The following NLGN1 variants were observed in gnomAD, a reference collection of about 807,000 sequenced individuals.
NLGN1 encodes the protein neuroligin-1.
NLGN1 carries 12 observed loss-of-function variants against 65.5 expected under a neutral mutation model. The observed-to-expected ratio is 0.18, with a 90% CI of 0.12 to 0.30. The LOEUF (loss-of-function observed/expected upper bound fraction) is 0.30, where lower values mean the gene tolerates loss of function less well. Ranked by LOEUF, NLGN1 falls within the 10% of genes least tolerant of loss-of-function variation. The probability of loss-of-function intolerance (pLI) is 1.00; values close to 1 mark genes in which losing one functional copy is unlikely to be tolerated. For synonymous variants in NLGN1, 350 were observed against 359.5 expected, an observed-to-expected ratio of 0.97 and a Z score of 0.30; for missense variants, 750 against 1,007.1, an observed-to-expected ratio of 0.74 and a Z score of 3.46.
intron 4 of NLGN1, among the ~76,000 whole-genome samples, chr3:174,032,444 G>C (rs1046353754): frequency 3.4e-4 from 51 of 152,184 alleles, no homozygotes; most frequent in African/African-American, 1.2e-3. Flanking sequence ...AACCATTGGT[G>C]TACAAGCTTG....
At chr3:173,786,028 A>G (rs1326280208) in intron 3 of NLGN1, among the ~76,000 whole-genome samples, 4 of 152,214 alleles carry the variant, frequency 2.6e-5, no homozygotes, top group Non-Finnish European at 5.9e-5. Context: ...TGTGGTACAT[A>G]GACCTCATTC....
At chr3:173,860,797 C>G (rs910135460) in intron 4 of NLGN1, among the ~76,000 whole-genome samples, 1 of 152,128 alleles carries the variant, frequency 6.6e-6, no homozygotes. Flanking sequence ...TCCACAGTGT[C>G]TGCCTCTAAC....
intron 3 of NLGN1, among the ~76,000 whole-genome samples, chr3:173,728,100 G>T (rs1772117150): frequency 6.6e-6 from 1 of 152,088 alleles, no homozygotes; most frequent in African/African-American, 2.4e-5. Context: ...AAGTCTAGAG[G>T]CAAGGGTTAG....
At chr3:173,815,099 T>C (rs923434389) in intron 4 of NLGN1, among the ~76,000 whole-genome samples, 3 of 150,744 alleles carry the variant, frequency 2.0e-5, no homozygotes, top group African/African-American at 7.3e-5. Flanking sequence ...CTTCCTTCCT[T>C]CCTGCCTTCC....
intron 4 of NLGN1, among the ~76,000 whole-genome samples, chr3:174,170,358 T>A (rs1003023799): frequency 6.6e-6 from 1 of 152,290 alleles, no homozygotes; most frequent in Non-Finnish European, 1.5e-5. Flanking sequence ...GCTGCTTTGC[T>A]TTTGTGTCTC....
chr3:173,932,712 G>C (rs540261721), intron 4 of NLGN1, among the ~76,000 whole-genome samples: 11 of 152,220 alleles, frequency 7.2e-5, no homozygotes, highest in African/African-American at 2.6e-4. Flanking sequence ...GAGAGTGATG[G>C]TTTCATCAAA....
At chr3:173,519,707 A>AT (rs56083885) in intron 2 of NLGN1, among the ~76,000 whole-genome samples, 4,686 of 142,566 alleles carry the variant, frequency 0.033, 77 homozygotes, top group Middle Eastern at 0.05. Context: ...GGAGGTAACT[A>AT]TTTTTTTTTT....
chr3:173,533,936 C>T (rs898020816), intron 2 of NLGN1, among the ~76,000 whole-genome samples: 8 of 151,992 alleles, frequency 5.3e-5, no homozygotes, highest in Non-Finnish European at 1.0e-4. Context: ...GAGCCGTGAT[C>T]GTGCCACTGC....
intron 4 of NLGN1, among the ~76,000 whole-genome samples, chr3:173,829,564 GTGTGTGTT>G (rs144729760): frequency 0.12 from 17,144 of 143,712 alleles, 1,010 homozygotes; most frequent in African/African-American, 0.19. Context: ...GTGTGTGTGT[GTGTGTGTT>G]TGTGTGTGTG....
chr3:174,155,538 T>C (rs1725282610), intron 4 of NLGN1, among the ~76,000 whole-genome samples: 1 of 151,920 alleles, frequency 6.6e-6, no homozygotes, highest in African/African-American at 2.4e-5. Context: ...GGAAATCTTA[T>C]TGTGTGTTTT....
chr3:173,532,980 C>A (rs1243091687), intron 2 of NLGN1, among the ~76,000 whole-genome samples: 1 of 152,172 alleles, frequency 6.6e-6, no homozygotes, highest in Non-Finnish European at 1.5e-5. Flanking sequence ...AAATGAAATG[C>A]TGTGGCCTCC....
intron 1 of NLGN1, among the ~76,000 whole-genome samples, chr3:173,413,338 A>C (rs888077545): frequency 6.6e-6 from 1 of 152,122 alleles, no homozygotes; most frequent in Non-Finnish European, 1.5e-5. Context: ...GCTGTGGCTC[A>C]TGCCTGTAAC....
chr3:173,893,690 G>T (rs534728612), intron 4 of NLGN1, among the ~76,000 whole-genome samples: 6 of 152,098 alleles, frequency 3.9e-5, no homozygotes, highest in Admixed American at 1.3e-4. Context: ...AATTATTATT[G>T]CATGGGCTCC....
chr3:174,066,623 G>C lies in NLGN1; in HGVS notation c.647-208692G>C, dbSNP rs183820482. On this transcript the variant is annotated intron_variant, in intron 4 of 6. Coordinates refer to ENST00000457714, the Ensembl canonical transcript of NLGN1. ...TAATTTTGGTTGGTTTTAGGTTATA[G>C]ATAGTTCCACTGTAGTGAAGTAAAC... Among the ~76,000 whole-genome samples, 257 of 141,226 alleles carry C rather than the reference G, an allele frequency of 1.8e-3. 1 individual carries two copies. Among genetic ancestry groups the C allele is most frequent in the African/African-American group, 6.3e-3 (240 of 38,348 alleles). 92.6% of individuals were successfully genotyped at this position (141,226 alleles called of 152,430 possible). A position where few individuals can be genotyped will look rare whatever the true frequency, so the allele number is the denominator to read the frequency against.
At chr3:173,444,027 T>C (rs1719709557) in intron 2 of NLGN1, among the ~76,000 whole-genome samples, 1 of 152,200 alleles carries the variant, frequency 6.6e-6, no homozygotes, top group African/African-American at 2.4e-5. Flanking sequence ...GTGATATCTA[T>C]GTATAATTTT....
intron 2 of NLGN1, among the ~76,000 whole-genome samples, chr3:173,538,086 CA>C (rs1487716534): frequency 6.6e-6 from 1 of 152,116 alleles, no homozygotes; most frequent in East Asian, 1.9e-4. Context: ...AAATAGGAAG[CA>C]AAAATGTTGT....
At chr3:173,740,560 G>C (rs1774486371) in intron 3 of NLGN1, among the ~76,000 whole-genome samples, 1 of 151,968 alleles carries the variant, frequency 6.6e-6, no homozygotes, top group Non-Finnish European at 1.5e-5. Flanking sequence ...AAGAAGTACT[G>C]ATTAGAAAGA....
chr3:174,108,356 C>G (rs1049370669), intron 4 of NLGN1, among the ~76,000 whole-genome samples: 17 of 152,008 alleles, frequency 1.1e-4, no homozygotes, highest in African/African-American at 3.9e-4. Flanking sequence ...GATCCTTTGA[C>G]TAAAGAGAGC....
At chr3:173,758,687 G>GC (rs768593274) in intron 3 of NLGN1, among the ~76,000 whole-genome samples, 1 of 151,652 alleles carries the variant, frequency 6.6e-6, no homozygotes, top group African/African-American at 2.4e-5. Context: ...CGCCAAAAAT[G>GC]CCCCCCTCCA....
Sources: allele counts gnomAD v4.1 joint callset (sites outside exome capture counted in the v4.1 genomes callset), GRCh38; gene constraint gnomAD v4.1.1; transcripts MANE v1.5; gene names NCBI Gene and HGNC (gene_info 2026-07-23, HGNC 2026-07-21).